The following ZC3H14 variants were observed in gnomAD, a reference collection of about 807,000 sequenced individuals.
The protein encoded by ZC3H14 is zinc finger CCCH domain-containing protein 14.
A neutral mutation model predicts 92.4 loss-of-function variants in ZC3H14; 31 were observed. The observed-to-expected ratio is 0.34, with a 90% CI of 0.25 to 0.45. ZC3H14 has a LOEUF of 0.45. ZC3H14 is among the 20% of genes least tolerant of loss of function. The pLI is 1.00. For synonymous variants in ZC3H14, 321 were observed against 300.9 expected, an observed-to-expected ratio of 1.07 and a Z score of -0.69; for missense variants, 781 against 897.3, an observed-to-expected ratio of 0.87 and a Z score of 1.66.
In ZC3H14 at chr14:88,563,059, C is replaced by T. The variant is rs536567004; in HGVS notation, c.-75C>T. 2.0e-4 allele frequency: 300 copies of T among 1,531,054 alleles called. No homozygotes were observed. The African/African-American group carries it at 2.7e-3, about 14-fold the overall frequency. 94.8% of individuals were successfully genotyped at this position (1,531,054 alleles called of 1,614,324 possible). On this transcript the variant is annotated 5_prime_UTR_variant, in exon 1 of 17. Coordinates refer to ENST00000251038, the MANE Select transcript of ZC3H14 (RefSeq NM_024824.5). ...GGAGGAGGCGGTGGTGTCCCGGCTG[C>T]GGGGTAGGAGTCCGCGGCAGCCTCC...
rs2087232252 is a variant in ZC3H14 at position 88,614,093 on chromosome 14, A to G, written c.*2342A>G. The G allele has an allele frequency of 6.6e-6, 1 of 152,250 alleles. No homozygotes were observed. Among genetic ancestry groups the G allele is most frequent in the African/African-American group, 2.4e-5 (1 of 41,462 alleles). The allele number at this position is 152,250 out of a possible 1,614,324, so 9.4% of individuals were successfully genotyped here. ...TTTCTACCTGCACTGTAATGGAAATATAATTTCTCTGTAGCCAAAAGCTGG... is the reference window on the plus strand; with the variant it reads ...TTTCTACCTGCACTGTAATGGAAATGTAATTTCTCTGTAGCCAAAAGCTGG... On this transcript the variant is annotated 3_prime_UTR_variant, in exon 17 of 17. Coordinates refer to ENST00000251038, the MANE Select transcript of ZC3H14 (RefSeq NM_024824.5).
In ZC3H14 at chr14:88,563,662, G is replaced by A. The variant is rs199820387; in HGVS notation, c.48G>A (p.Lys16=). The stretch of plus-strand genomic sequence containing the variant: ...TCTTTTTCTCTCAGAGTGCCATTAA[G>A]GGGAAATTACAAGAATTAGGAGCTT... ...EISRKIRSAI[K]GKLQELGAYV... Residue 16 remains lysine, a synonymous_variant, in exon 2 of 17, where the codon AAG becomes AAA. Coordinates refer to ENST00000251038, the MANE Select transcript of ZC3H14 (RefSeq NM_024824.5). 754 of 1,614,118 alleles carry A rather than the reference G, an allele frequency of 4.7e-4. 1 individual carries two copies. Among genetic ancestry groups the A allele is most frequent in the Non-Finnish European group, 6.0e-4 (706 of 1,180,032 alleles).
intron 12 of ZC3H14, among the ~76,000 whole-genome samples, chr14:88,605,678 A>G (rs186390547): frequency 1.3e-5 from 2 of 152,248 alleles, no homozygotes; most frequent in East Asian, 3.9e-4. Context: ...TAGCATAGAA[A>G]ACTGTTTGTA....
At chr14:88,579,239 T>C (rs758144171) in intron 9 of ZC3H14, among the ~76,000 whole-genome samples, 2 of 152,190 alleles carry the variant, frequency 1.3e-5, no homozygotes, top group African/African-American at 2.4e-5. Context: ...TGTTTCCTCA[T>C]TGTGTCTCTT....
intron 9 of ZC3H14, chr14:88,594,450 C>G (rs1406175839): frequency 4.0e-5 from 50 of 1,259,876 alleles, no homozygotes; most frequent in Non-Finnish European, 4.9e-5. Flanking sequence ...ATGTAGGGCC[C>G]TACGTATTAG....
intron 12 of ZC3H14, 71 bp from the exon 13 acceptor site, chr14:88,607,172 A>G (rs2085543628): frequency 6.2e-7 from 1 of 1,609,680 alleles, no homozygotes; most frequent in Non-Finnish European, 8.5e-7. Context: ...TTTGAGGGAA[A>G]TATGTTAAAG....
At chr14:88,573,419 T>C (rs2080735344) in intron 6 of ZC3H14, among the ~76,000 whole-genome samples, 1 of 152,002 alleles carries the variant, frequency 6.6e-6, no homozygotes, top group Non-Finnish European at 1.5e-5. Flanking sequence ...AAAACACATA[T>C]TCCAAATTTA....
intron 8 of ZC3H14, 44 bp from the exon 9 acceptor site, chr14:88,577,941 A>G (rs199563980): frequency 1.1e-5 from 17 of 1,611,594 alleles, no homozygotes; most frequent in East Asian, 6.7e-5. Context: ...GTTTTGACGT[A>G]TTACTGCATT....
At chr14:88,608,232 C>T (rs1243037045) in intron 13 of ZC3H14, 3 of 467,742 alleles carry the variant, frequency 6.4e-6, no homozygotes, top group African/African-American at 4.4e-5. Context: ...GAATACCATC[C>T]CCATCTCACC....
chr14:88,586,851 A>C (rs529446289), intron 9 of ZC3H14: 46 of 152,268 alleles, frequency 3.0e-4, no homozygotes, highest in African/African-American at 1.1e-3. Context: ...AACATTCCTT[A>C]CTTCATTCTT....
chr14:88,600,243 A>G (rs1566963305), intron 10 of ZC3H14, among the ~76,000 whole-genome samples: 1 of 152,186 alleles, frequency 6.6e-6, no homozygotes, highest in African/African-American at 2.4e-5. Flanking sequence ...GCCCCTTCCC[A>G]GGATGGAGCA....
intron 9 of ZC3H14, among the ~76,000 whole-genome samples, chr14:88,578,761 A>G (rs916404779): frequency 2.1e-5 from 3 of 141,396 alleles, no homozygotes; most frequent in Non-Finnish European, 3.0e-5. Context: ...CGTGCCTAAC[A>G]TACTTCAGTT....
intron 15 of ZC3H14, among the ~76,000 whole-genome samples, 160 bp from the exon 16 acceptor site, chr14:88,610,674 C>G (rs1355246584): frequency 6.6e-6 from 1 of 150,654 alleles, no homozygotes; most frequent in African/African-American, 2.4e-5. Context: ...CTTGGTAGCA[C>G]ACGCCTGTAG....
Position 88,616,509 on chromosome 14 carries a change from C to T in ZC3H14, c.*4758C>T. 1.7e-6 allele frequency: 1 copy of T among 602,662 alleles called. No homozygotes were observed. Among genetic ancestry groups the T allele is most frequent in the Admixed American group, 3.0e-5 (1 of 33,130 alleles). 37.3% of individuals were successfully genotyped at this position (602,662 alleles called of 1,614,324 possible). ...AACTGATTATAGGTTTGGTGAAAAG[C>T]TAATTACAGCTTTTGTAGGATGGTT... On this transcript the variant is annotated 3_prime_UTR_variant, in exon 17 of 17. Transcript: ENST00000251038.
Position 88,572,793 on chromosome 14 carries a change from G to A in ZC3H14, c.647G>A (p.Arg216Gln), listed in dbSNP as rs183940020. 3.2e-5 allele frequency: 51 copies of A among 1,614,012 alleles called. No homozygotes were observed. Among genetic ancestry groups the A allele is most frequent in the East Asian group, 1.1e-4 (5 of 44,876 alleles). Reference sequence around the variant, plus strand: ...TCTCGCCCTTCTATTGAAATTTATCGACCACCTGCAAGTAGAAATGCAGAT... The same window carrying A: ...TCTCGCCCTTCTATTGAAATTTATCAACCACCTGCAAGTAGAAATGCAGAT... ...GSSRPSIEIY[R>Q]PPASRNADSG... The change falls in exon 6 of 17, where the codon CGA (arginine) becomes CAA (glutamine). Residue 216 changes from arginine (R) to glutamine (Q), a missense_variant. By Grantham distance (43) the Arg-to-Gln change is conservative. Transcript: ENST00000251038.
intron 3 of ZC3H14, among the ~76,000 whole-genome samples, chr14:88,570,255 T>C (rs759575598): frequency 7.2e-5 from 11 of 152,186 alleles, no homozygotes; most frequent in Non-Finnish European, 1.5e-4. Flanking sequence ...ATTTGGAGCC[T>C]TGAAGTAATT....
At chr14:88,564,240 TTA>T (rs1484112349) in intron 2 of ZC3H14, among the ~76,000 whole-genome samples, 2 of 152,250 alleles carry the variant, frequency 1.3e-5, no homozygotes, top group Admixed American at 6.5e-5. Context: ...TCCGATCTCT[TTA>T]TGTTTTCCCT....
intron 9 of ZC3H14, chr14:88,595,215 A>T (rs2083652786): frequency 6.5e-7 from 1 of 1,542,002 alleles, no homozygotes; most frequent in Non-Finnish European, 8.6e-7. Flanking sequence ...AGTTACAGAG[A>T]ACTTGAATTT....
chr14:88,568,016 G>T, intron 2 of ZC3H14, 23 bp from the exon 3 acceptor site: 1 of 1,598,844 alleles, frequency 6.3e-7, no homozygotes, highest in South Asian at 1.1e-5. Context: ...ACAAAGTTTT[G>T]ATCTACCTTT....
Sources: gnomAD v4.1 joint callset for allele counts (sites outside exome capture counted in the v4.1 genomes callset) on GRCh38, gnomAD v4.1.1 for gene constraint, MANE v1.5 for transcripts, NCBI Gene and HGNC (gene_info 2026-07-23, HGNC 2026-07-21) for gene names.